Variants in TCF3 observed in about 807,000 individuals in gnomAD.
The protein encoded by TCF3 is transcription factor E2-alpha.
A neutral mutation model predicts 72.3 loss-of-function variants in TCF3; 54 were observed. That is an observed-to-expected ratio of 0.75 (90% CI 0.60 to 0.94). The LOEUF (loss-of-function observed/expected upper bound fraction) is 0.94. TCF3 is among the 40% of genes least tolerant of loss of function. TCF3 has a pLI of 0.00. For missense variants in TCF3, 1,078 were observed against 934.4 expected (o/e 1.15, Z -2.00); for synonymous variants, 525 against 412.6 (o/e 1.27, Z -3.30).
At chr19:1,628,941 G>GA (rs1264765899) in intron 5 of TCF3, among the ~76,000 whole-genome samples, 2 of 41,834 alleles carry the variant, frequency 4.8e-5, no homozygotes, top group African/African-American at 1.5e-4. Flanking sequence ...AGCTCACGGG[G>GA]TGAGGCGGGA....
chr19:1,612,574 G>A, intron 18 of TCF3: 1 of 771,460 alleles, frequency 1.3e-6, no homozygotes, highest in Non-Finnish European at 2.1e-6. Context: ...GGTGTTGGTG[G>A]GCACAGCAGT....
chr19:1,636,157 A>T (rs1599888070), intron 3 of TCF3, among the ~76,000 whole-genome samples: 1 of 151,942 alleles, frequency 6.6e-6, no homozygotes, highest in Admixed American at 6.6e-5. Flanking sequence ...GCAGTATTTT[A>T]AAAAATTTTT....
chr19:1,620,714 A>G (rs1266925214), intron 13 of TCF3, among the ~76,000 whole-genome samples: 2 of 152,136 alleles, frequency 1.3e-5, no homozygotes, highest in African/African-American at 4.8e-5. Context: ...GGCTGCCTCC[A>G]CTAGGCAGCT....
Position 1,611,573 on chromosome 19 carries a change from G to A in TCF3, c.*134C>T. 1 of 1,284,892 alleles carries A rather than the reference G, an allele frequency of 7.8e-7. No individual in the cohort carries two copies. Among genetic ancestry groups the A allele is most frequent in the African/African-American group, 1.5e-5 (1 of 66,792 alleles). The allele number at this position is 1,284,892 out of a possible 1,614,324, so 79.6% of individuals were successfully genotyped here. A position where few individuals can be genotyped will look rare whatever the true frequency, so the allele number is the denominator to read the frequency against. On this transcript the variant is annotated 3_prime_UTR_variant, in exon 19 of 19. Transcript: ENST00000262965. ...GCCCCCATCACTCCGAACCTTGTCA[G>A]GTTGGTGTTGGCTCGATGCTGACAA...
In TCF3 at chr19:1,611,639, C is replaced by T. The variant is rs560197162; in HGVS notation, c.*68G>A. On this transcript the variant is annotated 3_prime_UTR_variant, in exon 19 of 19. Transcript: ENST00000262965. The stretch of plus-strand genomic sequence containing the variant: ...TGGATGTGGATGAAGCCCGGGGTCT[C>T]GAGTGGCCGTTCTGGGGCCAGAGCA... 51 of 1,554,752 alleles carry T rather than the reference C, an allele frequency of 3.3e-5. No homozygotes were observed. The highest frequency in any genetic ancestry group is 1.4e-4 in the African/African-American group (10 of 73,428).
intron 1 of TCF3, among the ~76,000 whole-genome samples, chr19:1,652,098 G>C (rs896855199): frequency 2.0e-5 from 3 of 149,876 alleles, no homozygotes; most frequent in African/African-American, 7.3e-5. Flanking sequence ...GCGAGCTCCG[G>C]GCTCCTCCAC....
intron 3 of TCF3, among the ~76,000 whole-genome samples, chr19:1,642,465 C>T (rs2065477102): frequency 1.3e-5 from 2 of 152,164 alleles, no homozygotes; most frequent in Admixed American, 1.3e-4. Flanking sequence ...GAACACTCTG[C>T]CACTTCCTGT....
intron 3 of TCF3, among the ~76,000 whole-genome samples, chr19:1,644,227 C>T (rs914618211): frequency 3.3e-5 from 5 of 152,228 alleles, no homozygotes; most frequent in Admixed American, 6.5e-5. Flanking sequence ...AGCAGGTGCC[C>T]ATCTTGCGGG....
intron 3 of TCF3, among the ~76,000 whole-genome samples, chr19:1,633,209 C>T (rs2063933599): frequency 2.0e-5 from 3 of 152,338 alleles, no homozygotes; most frequent in Admixed American, 2.0e-4. Context: ...CCATCGGGGG[C>T]CACAGAGCAC....
At chr19:1,633,070 G>GGGACGA (rs902089960) in intron 3 of TCF3, among the ~76,000 whole-genome samples, 6 of 152,080 alleles carry the variant, frequency 3.9e-5, no homozygotes, top group Non-Finnish European at 8.8e-5. Flanking sequence ...AGCAAGGGAC[G>GGGACGA]GGACGAGGAC....
At chr19:1,627,688 G>A (rs982079187) in intron 5 of TCF3, among the ~76,000 whole-genome samples, 3 of 152,292 alleles carry the variant, frequency 2.0e-5, no homozygotes, top group Admixed American at 6.5e-5. Context: ...AGGGGTCCCC[G>A]ATGATTTCGG....
At chr19:1,621,098 A>G in intron 12 of TCF3, 35 bp downstream of exon 12, 1 of 1,524,238 alleles carries the variant, frequency 6.6e-7, no homozygotes, top group Non-Finnish European at 8.9e-7. Context: ...CTCTCAGGTC[A>G]CTTGCCTGGC....
At position 1,629,308 on chromosome 19, in the gene TCF3, G is replaced by A. The variant is rs568796864; in HGVS notation, c.299-1882C>T. Among the ~76,000 whole-genome samples the A allele has an allele frequency of 2.8e-4, 43 of 151,048 alleles. 1 individual carries two copies. In the South Asian group the frequency reaches 6.8e-3, roughly 24 times the overall value. ...GGGAGCCCCGGGGCCTGTGCACACC[G>A]CATCAGGTTCACCGCACAGGCTCCC... On this transcript the variant is annotated intron_variant, in intron 5 of 18. Transcript: ENST00000262965.
chr19:1,617,685 C>T (rs946258624), intron 16 of TCF3, among the ~76,000 whole-genome samples: 2 of 152,236 alleles, frequency 1.3e-5, no homozygotes, highest in Admixed American at 6.5e-5. Flanking sequence ...GGCCTCAGCA[C>T]ACGAAGTGAA....
intron 5 of TCF3, among the ~76,000 whole-genome samples, chr19:1,630,258 G>A (rs537779741): frequency 1.3e-5 from 2 of 152,298 alleles, no homozygotes; most frequent in South Asian, 4.1e-4. Context: ...CCGGCAGGGG[G>A]GCGGGGCCAG....
intron 5 of TCF3, chr19:1,631,816 C>T: frequency 8.2e-7 from 1 of 1,221,950 alleles, no homozygotes; most frequent in East Asian, 2.6e-5. Flanking sequence ...CCTCTACGCT[C>T]AGGCGGGGAA....
chr19:1,615,656 G>A lies in TCF3; in HGVS notation c.1586+30C>T, dbSNP rs1048297055. On this transcript the variant is annotated intron_variant, in intron 17 of 18. Transcript: ENST00000262965. This position sits in a 1 kb window ranked among gnomAD's most constrained non-coding sequence, Gnocchi z 7.3. ...CACATGTGCGTCCTGATGGGGTGAGGGTGGGGAGTGCCGAGGGGTGGGTTG... is the reference window on the plus strand; with the variant it reads ...CACATGTGCGTCCTGATGGGGTGAGAGTGGGGAGTGCCGAGGGGTGGGTTG... The A allele has an allele frequency of 3.7e-6, 6 of 1,613,084 alleles. No homozygotes were observed. The highest frequency in any genetic ancestry group is 4.5e-5 in the East Asian group (2 of 44,852).
rs750730488 is a variant in TCF3 at position 1,612,415 on chromosome 19, C to A, written c.1823-566G>T. 9 of 1,613,404 alleles carry A rather than the reference C, an allele frequency of 5.6e-6. No individual in the cohort carries two copies. The South Asian group carries it at 6.6e-5, about 12-fold the overall frequency. On this transcript the variant is annotated intron_variant, in intron 18 of 18. Transcript: ENST00000262965. The stretch of plus-strand genomic sequence containing the variant: ...CCCTCAGGTCTTTCTCCTCCAGGGA[C>A]AGCACCTCGTCCGTACTGCTGGGTC...
intron 3 of TCF3, among the ~76,000 whole-genome samples, chr19:1,636,656 G>A (rs972112788): frequency 1.3e-5 from 2 of 152,130 alleles, no homozygotes; most frequent in Admixed American, 1.3e-4. Flanking sequence ...CCCAGCTCGC[G>A]CACTGCAGCC....
Sources: gnomAD v4.1 joint callset for allele counts (sites outside exome capture counted in the v4.1 genomes callset) on GRCh38, gnomAD v4.1.1 for gene constraint, Gnocchi (gnomAD v3.1) non-coding constraint, MANE v1.5 for transcripts, NCBI Gene and HGNC (gene_info 2026-07-23, HGNC 2026-07-21) for gene names.